The following SMG6 variants were observed in gnomAD, a reference collection of about 807,000 sequenced individuals.
The protein encoded by SMG6 is telomerase-binding protein EST1A.
SMG6 carries 66 observed loss-of-function variants against 142.2 expected under a neutral mutation model. The observed-to-expected ratio is 0.46, with a 90% CI of 0.38 to 0.57. The LOEUF (loss-of-function observed/expected upper bound fraction) is 0.57, where lower values mean the gene tolerates loss of function less well. Among genes scored for constraint, SMG6 ranks in the 20% least tolerant of loss-of-function variants. SMG6 has a pLI of 0.00. For synonymous variants in SMG6, 779 were observed against 702.4 expected, an observed-to-expected ratio of 1.11 and a Z score of -1.72; for missense variants, 1,793 against 1,832.0, an observed-to-expected ratio of 0.98 and a Z score of 0.39.
chr17:2,283,142 T>C (rs968959987), intron 7 of SMG6, among the ~76,000 whole-genome samples: 4 of 152,090 alleles, frequency 2.6e-5, no homozygotes, highest in African/African-American at 9.7e-5. Flanking sequence ...TGCACTCCAG[T>C]CTGGGCAACA....
At chr17:2,141,652 T>C (rs1435543794) in intron 13 of SMG6, among the ~76,000 whole-genome samples, 4 of 152,068 alleles carry the variant, frequency 2.6e-5, no homozygotes, top group Non-Finnish European at 5.9e-5. Flanking sequence ...CTATGTTGCA[T>C]GGCTGGTCTT....
At chr17:2,145,915 G>A (rs1365323725) in intron 13 of SMG6, among the ~76,000 whole-genome samples, 2 of 151,894 alleles carry the variant, frequency 1.3e-5, no homozygotes, top group Non-Finnish European at 2.9e-5. Context: ...GATGAATGAT[G>A]CTCTATCTAA....
chr17:2,107,942 T>G (rs527563369), intron 13 of SMG6, among the ~76,000 whole-genome samples: 2 of 152,226 alleles, frequency 1.3e-5, no homozygotes, highest in Non-Finnish European at 2.9e-5. Context: ...GTCCTCACTT[T>G]AGAGTTCTAT....
rs369848022 is a variant in SMG6 at position 2,191,077 on chromosome 17, G to A, written c.2870-2562C>T. On this transcript the variant is annotated intron_variant, in intron 10 of 18. Transcript: ENST00000263073. Reference sequence around the variant, plus strand: ...TTCCAGACTCTGTACTAGGTATGATGGAGCACACAGTTACAAATAAAACAT... The same window carrying A: ...TTCCAGACTCTGTACTAGGTATGATAGAGCACACAGTTACAAATAAAACAT... 4.6e-5 allele frequency among the ~76,000 whole-genome samples: 7 copies of A among 152,268 alleles called. No homozygotes were observed. The South Asian group carries it at 1.5e-3, about 32-fold the overall frequency.
chr17:2,169,654 G>C (rs2071445122), intron 13 of SMG6, among the ~76,000 whole-genome samples: 1 of 152,150 alleles, frequency 6.6e-6, no homozygotes, highest in African/African-American at 2.4e-5. Flanking sequence ...AATGTGACTA[G>C]AGCACACTGG....
At chr17:2,230,212 AAAAAAAAAAG>A (rs2073437274) in intron 10 of SMG6, among the ~76,000 whole-genome samples, 3 of 114,690 alleles carry the variant, frequency 2.6e-5, no homozygotes, top group Non-Finnish European at 5.3e-5. Context: ...AAAAAAAAAA[AAAAAAAAAAG>A]GAAAAGAAAG....
At chr17:2,207,119 A>C (rs867153353) in intron 10 of SMG6, among the ~76,000 whole-genome samples, 32,430 of 67,852 alleles carry the variant, frequency 0.48, 5,815 homozygotes, top group African/African-American at 0.61. Context: ...TAAAAATCCA[A>C]AAAAAAAAAA....
chr17:2,183,496 G>A (rs1229938753), intron 12 of SMG6, among the ~76,000 whole-genome samples: 14 of 152,102 alleles, frequency 9.2e-5, no homozygotes, highest in East Asian at 1.9e-4. Context: ...ATTCCAGGCC[G>A]TGTGAACCAT....
chr17:2,194,546 G>A (rs951275333), intron 10 of SMG6, among the ~76,000 whole-genome samples: 2 of 151,250 alleles, frequency 1.3e-5, no homozygotes, highest in East Asian at 1.9e-4. Context: ...GAAAATTACC[G>A]CAGAAAGAAA....
chr17:2,132,116 T>C (rs1439072306), intron 13 of SMG6, among the ~76,000 whole-genome samples: 2 of 152,034 alleles, frequency 1.3e-5, no homozygotes, highest in Non-Finnish European at 2.9e-5. Context: ...CGAGCAATCC[T>C]CCTGCCTTGG....
At position 2,226,557 on chromosome 17, in the gene SMG6, C is replaced by T. The variant is rs149400169; in HGVS notation, c.2869+9935G>A. Among the ~76,000 whole-genome samples the T allele has an allele frequency of 6.6e-3, 979 of 147,818 alleles. 16 individuals carry two copies. The highest frequency in any genetic ancestry group is 0.023 in the African/African-American group (934 of 39,884). On this transcript the variant is annotated intron_variant, in intron 10 of 18. Coordinates refer to ENST00000263073, the MANE Select transcript of SMG6 (RefSeq NM_017575.5). ...TCACGCCATTGCACTCCAGCCCAGG[C>T]GACAGTACGAGACTCTGTCTTAAAA...
rs558866876 is a variant in SMG6, at chr17:2,164,074, C to T, written c.3357+8584G>A. 2.0e-4 allele frequency among the ~76,000 whole-genome samples: 29 copies of T among 148,174 alleles called. No individual in the cohort carries two copies. In the South Asian group the frequency reaches 2.6e-3, roughly 13 times the overall value. ...AAAACTCTGTCTCAGAAAACAAGGA[C>T]GACAATGACAGGGTGAAACCCTATT... On this transcript the variant is annotated intron_variant, in intron 13 of 18. Transcript: ENST00000263073.
chr17:2,135,916 G>A (rs2070280134), intron 13 of SMG6, among the ~76,000 whole-genome samples: 1 of 128,360 alleles, frequency 7.8e-6, no homozygotes, highest in Admixed American at 8.5e-5. Flanking sequence ...TGAACGCTTG[G>A]ACTCAATCCT....
At chr17:2,100,182 C>G (rs2068967341) in intron 13 of SMG6, among the ~76,000 whole-genome samples, 1 of 152,108 alleles carries the variant, frequency 6.6e-6, no homozygotes, top group Non-Finnish European at 1.5e-5. Context: ...GGATTACAGG[C>G]AAGTGCCACC....
intron 13 of SMG6, among the ~76,000 whole-genome samples, chr17:2,129,128 G>T (rs373452476): frequency 1.3e-5 from 2 of 151,814 alleles, no homozygotes; most frequent in East Asian, 3.9e-4. Context: ...CAGGCGGATC[G>T]CTTGAGCCCA....
chr17:2,119,469 T>C (rs2069614710), intron 13 of SMG6, among the ~76,000 whole-genome samples: 2 of 151,952 alleles, frequency 1.3e-5, no homozygotes, highest in Admixed American at 6.6e-5. Context: ...GCTGGGATTA[T>C]AGGCATTAGT....
At chr17:2,066,809 C>T (rs577925306) in intron 16 of SMG6, among the ~76,000 whole-genome samples, 3 of 152,270 alleles carry the variant, frequency 2.0e-5, no homozygotes, top group East Asian at 1.9e-4. Flanking sequence ...ACAGGAAAAA[C>T]GGGTATTCTA....
At chr17:2,255,711 T>C (rs1034928739) in intron 8 of SMG6, 28 of 187,252 alleles carry the variant, frequency 1.5e-4, no homozygotes, top group African/African-American at 6.7e-4. Context: ...AGACGGGCCA[T>C]GATGACGATG....
rs181266930 is a variant in SMG6 at position 2,135,090 on chromosome 17, G to C, written c.3357+37568C>G. Among the ~76,000 whole-genome samples the C allele has an allele frequency of 1.5e-3, 231 of 152,260 alleles. 1 individual carries two copies. The highest frequency in any genetic ancestry group is 5.0e-3 in the African/African-American group (208 of 41,552). On this transcript the variant is annotated intron_variant, in intron 13 of 18. Coordinates refer to ENST00000263073, the MANE Select transcript of SMG6 (RefSeq NM_017575.5). ...AAATGGAGTTTTGCCATGTTGGCGA[G>C]GCTGGTCTCAAATTCCTGACCTCAG...
Sources: gnomAD v4.1 joint callset for allele counts (sites outside exome capture counted in the v4.1 genomes callset) on GRCh38, gnomAD v4.1.1 for gene constraint, MANE v1.5 for transcripts, NCBI Gene and HGNC (gene_info 2026-07-23, HGNC 2026-07-21) for gene names.